Variants in RHBDF2 observed in about 807,000 individuals in gnomAD.
The protein encoded by RHBDF2 is inactive rhomboid protein 2.
In RHBDF2, 38 loss-of-function variants were observed where a neutral mutation model predicts 95.2. The ratio of observed to expected loss-of-function variants is 0.40; its 90% CI spans 0.31 to 0.52. The LOEUF is 0.52. Among genes scored for constraint, RHBDF2 ranks in the 20% least tolerant of loss-of-function variants. The pLI, the probability that RHBDF2 is intolerant of heterozygous loss-of-function variation, is 0.56. For missense variants in RHBDF2, 863 were observed against 1,137.7 expected, an observed-to-expected ratio of 0.76 and a Z score of 3.47; for synonymous variants, 442 against 462.0, an observed-to-expected ratio of 0.96 and a Z score of 0.55.
At chr17:76,481,952 A>AAC (rs563875703) in intron 2 of RHBDF2, 7,889 of 129,180 alleles carry the variant, frequency 0.061, 271 homozygotes, top group African/African-American at 0.078. Context: ...TCTGTCTGAA[A>AAC]ACACACACAC....
At chr17:76,483,411 A>G (rs56281530) in intron 2 of RHBDF2, among the ~76,000 whole-genome samples, 146,635 of 152,120 alleles carry the variant, frequency 0.96, 70,932 homozygotes, top group East Asian at 1. Flanking sequence ...TCAGCCTCCC[A>G]AGAAGCTCGG....
chr17:76,478,578 C>G (rs2144140225), intron 6 of RHBDF2, among the ~76,000 whole-genome samples: 1 of 152,182 alleles, frequency 6.6e-6, no homozygotes, highest in East Asian at 1.9e-4. Context: ...AGACCAGGTT[C>G]CAAAACTTGG....
At chr17:76,479,684 C>G (rs772966316) in intron 4 of RHBDF2, 49 bp downstream of exon 4, 2 of 1,448,394 alleles carry the variant, frequency 1.4e-6, no homozygotes, top group Admixed American at 3.5e-5. Context: ...CCCGAGAATC[C>G]ACAGGTTGCT....
intron 4 of RHBDF2, 83 bp from the exon 5 acceptor site, chr17:76,479,360 G>A (rs1254188418): frequency 3.3e-6 from 5 of 1,523,146 alleles, no homozygotes; most frequent in Admixed American, 2.0e-5. Context: ...GATGGCACGT[G>A]TGTGCCCGCG....
At chr17:76,492,903 C>T (rs1161234996) in intron 1 of RHBDF2, among the ~76,000 whole-genome samples, 1 of 152,196 alleles carries the variant, frequency 6.6e-6, no homozygotes, top group African/African-American at 2.4e-5. Context: ...AGCCCCCTCC[C>T]CTCCAGACAG....
At chr17:76,491,495 G>A (rs2074299283) in intron 1 of RHBDF2, among the ~76,000 whole-genome samples, 1 of 152,186 alleles carries the variant, frequency 6.6e-6, no homozygotes, top group South Asian at 2.1e-4. Flanking sequence ...CAGGGCGGGT[G>A]GGCATGTCTT....
In RHBDF2 at chr17:76,477,220, A is replaced by C; in HGVS notation, c.880T>G (p.Ser294Ala). 1 of 1,609,994 alleles carries C rather than the reference A, an allele frequency of 6.2e-7. No individual in the cohort carries two copies. The highest frequency in any genetic ancestry group is 8.5e-7 in the Non-Finnish European group (1 of 1,178,802). ...CCATCGGGGGAGACAGGGGAGGCTG[A>C]GTGTGGGATCCCTCGGAAGTAGCTG... ...SASYFRGIPH[S>A]ASPVSPDGVQ... Residue 294 changes from serine to alanine, a missense_variant, in exon 8 of 19, where the codon TCA (serine) becomes GCA (alanine). Coordinates refer to ENST00000675367, the MANE Select transcript of RHBDF2 (RefSeq NM_001005498.4).
chr17:76,474,056 C>G lies in RHBDF2; in HGVS notation c.1551G>C (p.Gly517=), dbSNP rs2073681189. ...KSDLGQKRTS[G]AVCHQDPRTC... is the part of the protein sequence containing the mutation. ...ACCTGGGGTCCTGGTGGCAGACAGCCCCCGAAGTCCGCTTCTGGCCCAGAT... is the reference window on the plus strand; with the variant it reads ...ACCTGGGGTCCTGGTGGCAGACAGCGCCCGAAGTCCGCTTCTGGCCCAGAT... The change falls in exon 13 of 19, where the codon GGG becomes GGC. Residue 517 remains glycine, a synonymous_variant. Coordinates refer to ENST00000675367, the MANE Select transcript of RHBDF2 (RefSeq NM_001005498.4). The G allele has an allele frequency of 2.5e-6, 4 of 1,613,316 alleles. No homozygotes were observed. Among genetic ancestry groups the G allele is most frequent in the Non-Finnish European group, 3.4e-6 (4 of 1,179,948 alleles).
chr17:76,474,149 G>A lies in RHBDF2; in HGVS notation c.1465-7C>T, dbSNP rs1567873312. The A allele has an allele frequency of 2.6e-6, 4 of 1,555,230 alleles. No homozygotes were observed. Among genetic ancestry groups the A allele is most frequent in the Non-Finnish European group, 3.5e-6 (4 of 1,150,864 alleles). On this transcript the variant is annotated splice_region_variant and splice_polypyrimidine_tract_variant and intron_variant, in intron 12 of 18. Coordinates refer to ENST00000675367, the MANE Select transcript of RHBDF2 (RefSeq NM_001005498.4). ...CAAAAGTGGCCAAAGTCTCCTGGAGGGCAGAAGAAGGCTGGTGGGTCATGT... is the reference window on the plus strand; with the variant it reads ...CAAAAGTGGCCAAAGTCTCCTGGAGAGCAGAAGAAGGCTGGTGGGTCATGT...
chr17:76,474,989 G>A lies in RHBDF2; in HGVS notation c.1227+41C>T, dbSNP rs1218127486. 7 of 1,509,098 alleles carry A rather than the reference G, an allele frequency of 4.6e-6. No homozygotes were observed. In the Admixed American group the frequency reaches 7.8e-5, roughly 17 times the overall value. The allele number at this position is 1,509,098 out of a possible 1,614,324, so 93.5% of individuals were successfully genotyped here. A position where few individuals can be genotyped will look rare whatever the true frequency, so the allele number is the denominator to read the frequency against. On this transcript the variant is annotated intron_variant, in intron 10 of 18. Coordinates refer to ENST00000675367, the MANE Select transcript of RHBDF2 (RefSeq NM_001005498.4). ...TACCCACGACACTGAGGCCTCCTAG[G>A]AGAGGCTGGGACCCCCAGCATGGAG... is the stretch of plus-strand genomic sequence containing the variant.
intron 9 of RHBDF2, among the ~76,000 whole-genome samples, chr17:76,475,669 G>A (rs2073751018): frequency 6.6e-6 from 1 of 150,874 alleles, no homozygotes; most frequent in Admixed American, 6.6e-5. Context: ...TGCAACCTTC[G>A]CCCCCAGGTT....
chr17:76,474,540 G>T lies in RHBDF2; in HGVS notation c.1303-6C>A. ...CCCAGGTGGATCAGGTCAATCTGGG[G>T]AAGGGAAAGGGAGGGGAGAGAGTGA... On this transcript the variant is annotated splice_polypyrimidine_tract_variant and splice_region_variant and intron_variant, in intron 11 of 18. Coordinates refer to ENST00000675367, the MANE Select transcript of RHBDF2 (RefSeq NM_001005498.4). 1 of 1,614,092 alleles carries T rather than the reference G, an allele frequency of 6.2e-7. No homozygotes were observed. Among genetic ancestry groups the T allele is most frequent in the Non-Finnish European group, 8.5e-7 (1 of 1,179,968 alleles).
rs541247582 is a variant in RHBDF2 at position 76,481,578 on chromosome 17, G to A, written c.-21-33C>T. 26 of 1,564,856 alleles carry A rather than the reference G, an allele frequency of 1.7e-5. No individual in the cohort carries two copies. The African/African-American group carries it at 1.9e-4, about 11-fold the overall frequency. On this transcript the variant is annotated intron_variant, in intron 2 of 18. Transcript: ENST00000675367. ...GGAGACCGGGAGAGCAGCGGTGGGC[G>A]GTGCGGGGTGGCGCAGTGTCAGGAC...
At position 76,472,455 on chromosome 17, in the gene RHBDF2, T is replaced by C. The variant is rs1598648310; in HGVS notation, c.2064+231A>G. The C allele has an allele frequency of 7.0e-5, 45 of 641,718 alleles. 1 individual carries two copies. The South Asian group carries it at 7.5e-4, about 11-fold the overall frequency. The allele number at this position is 641,718 out of a possible 1,614,324, so 39.8% of individuals were successfully genotyped here. A position where few individuals can be genotyped will look rare whatever the true frequency, so the allele number is the denominator to read the frequency against. On this transcript the variant is annotated intron_variant, in intron 18 of 18. Coordinates refer to ENST00000675367, the MANE Select transcript of RHBDF2 (RefSeq NM_001005498.4). Reference sequence around the variant, plus strand: ...GCATACTGTCAGGCAGTGGGCACGGTTAGGAAGATAAATGAGGCGGTGGAG... The same window carrying C: ...GCATACTGTCAGGCAGTGGGCACGGCTAGGAAGATAAATGAGGCGGTGGAG...
At chr17:76,472,914 G>A (rs1489494192) in intron 17 of RHBDF2, 75 bp from the exon 18 acceptor site, 31 of 1,581,688 alleles carry the variant, frequency 2.0e-5, no homozygotes, top group African/African-American at 4.0e-5. Context: ...AGGTTGGGCC[G>A]GCCATGCCCT....
intron 1 of RHBDF2, among the ~76,000 whole-genome samples, chr17:76,495,846 C>T (rs1273637833): frequency 1.3e-5 from 2 of 152,204 alleles, no homozygotes; most frequent in Non-Finnish European, 2.9e-5. Flanking sequence ...CCTGATTTCC[C>T]AGAACGTTGC....
At chr17:76,494,839 T>C (rs1290450950) in intron 1 of RHBDF2, among the ~76,000 whole-genome samples, 3 of 152,256 alleles carry the variant, frequency 2.0e-5, no homozygotes, top group African/African-American at 7.2e-5. Context: ...GCCTTCCACA[T>C]CCCAGGGAAG....
chr17:76,491,174 A>G (rs116905564), intron 1 of RHBDF2, among the ~76,000 whole-genome samples: 3,197 of 152,092 alleles, frequency 0.021, 96 homozygotes, highest in South Asian at 0.13. Context: ...GCTGTGCCAG[A>G]ACGAGTGTCT....
At chr17:76,472,538 A>G in intron 18 of RHBDF2, 148 bp downstream of exon 18, 2 of 997,394 alleles carry the variant, frequency 2.0e-6, no homozygotes, top group South Asian at 2.7e-5. Flanking sequence ...GAGACCAGCC[A>G]GTAAGCCCCC....
Sources: gnomAD v4.1 joint callset for allele counts (sites outside exome capture counted in the v4.1 genomes callset) on GRCh38, gnomAD v4.1.1 for gene constraint, MANE v1.5 for transcripts, NCBI Gene and HGNC (gene_info 2026-07-23, HGNC 2026-07-21) for gene names.